DEPDC5: variants seen among roughly 807,000 people sequenced by gnomAD.
The protein encoded by DEPDC5 is DEP domain containing 5, GATOR1 subcomplex subunit.
DEPDC5 carries 73 observed loss-of-function variants against 217.3 expected under a neutral mutation model. The observed-to-expected ratio is 0.34, with a 90% CI of 0.28 to 0.41. The LOEUF is 0.41. Ranked by LOEUF, DEPDC5 falls within the 10% of genes least tolerant of loss-of-function variation. The pLI is 1.00. For synonymous variants in DEPDC5, 733 were observed against 756.7 expected, an observed-to-expected ratio of 0.97 and a Z score of 0.51; for missense variants, 1,675 against 2,070.1, an observed-to-expected ratio of 0.81 and a Z score of 3.70.
At chr22:31,818,132 T>C (rs1013066680) in intron 21 of DEPDC5, among the ~76,000 whole-genome samples, 5 of 152,140 alleles carry the variant, frequency 3.3e-5, no homozygotes, top group Non-Finnish European at 7.4e-5. Flanking sequence ...ATTTCAGTTC[T>C]TTGATCCACT....
chr22:31,826,150 G>A (rs1411934102), intron 24 of DEPDC5, among the ~76,000 whole-genome samples: 1 of 152,042 alleles, frequency 6.6e-6, no homozygotes, highest in African/African-American at 2.4e-5. Flanking sequence ...GGGATTACAG[G>A]TGTGTACTAC....
chr22:31,897,684 C>T, intron 40 of DEPDC5, 31 bp downstream of exon 40: 1 of 1,609,758 alleles, frequency 6.2e-7, no homozygotes, highest in South Asian at 1.1e-5. Context: ...GAGGTTGTCT[C>T]AACCAGTAAG....
At chr22:31,855,662 G>C (rs1346355391) in intron 31 of DEPDC5, among the ~76,000 whole-genome samples, 1 of 152,186 alleles carries the variant, frequency 6.6e-6, no homozygotes, top group Non-Finnish European at 1.5e-5. Flanking sequence ...ACAGGCGTGA[G>C]CCACTGCGCC....
chr22:31,836,924 C>T (rs969729204), intron 25 of DEPDC5, 48 bp from the exon 26 acceptor site: 32 of 1,543,682 alleles, frequency 2.1e-5, no homozygotes, highest in Non-Finnish European at 2.7e-5. Flanking sequence ...CCATCCCACA[C>T]TTGCCATGGT....
intron 18 of DEPDC5, among the ~76,000 whole-genome samples, chr22:31,807,928 T>G (rs904135083): frequency 3.3e-5 from 5 of 152,072 alleles, no homozygotes; most frequent in Non-Finnish European, 5.9e-5. Flanking sequence ...CTGTTAATGT[T>G]ACTCTTCTAA....
intron 39 of DEPDC5, among the ~76,000 whole-genome samples, chr22:31,896,450 G>A (rs1204593831): frequency 6.6e-6 from 1 of 151,648 alleles, no homozygotes; most frequent in African/African-American, 2.4e-5. Flanking sequence ...GTCAAGCTGT[G>A]TCCCAACTCT....
intron 33 of DEPDC5, among the ~76,000 whole-genome samples, chr22:31,863,148 T>C (rs1959052034): frequency 6.6e-6 from 1 of 151,944 alleles, no homozygotes; most frequent in African/African-American, 2.4e-5. Context: ...TGTCTGGCCA[T>C]TAACCTTTTA....
chr22:31,768,812 A>C lies in DEPDC5; in HGVS notation c.364-2A>C. The stretch of plus-strand genomic sequence containing the variant: ...TCTACCCCTCTCTCCCCCTCCTCTT[A>C]GGTCAGCACATGTGCCTATATCACC... On this transcript the variant is annotated splice_acceptor_variant, in intron 6 of 42. Coordinates refer to ENST00000651528, the MANE Select transcript of DEPDC5 (RefSeq NM_001242896.3). LOFTEE classifies it high-confidence loss of function. 1 of 1,609,676 alleles carries C rather than the reference A, an allele frequency of 6.2e-7. No homozygotes were observed. Among genetic ancestry groups the C allele is most frequent in the Non-Finnish European group, 8.5e-7 (1 of 1,178,260 alleles).
intron 21 of DEPDC5, among the ~76,000 whole-genome samples, chr22:31,818,444 TGCA>T (rs1473588821): frequency 6.6e-6 from 1 of 152,178 alleles, no homozygotes; most frequent in East Asian, 1.9e-4. Context: ...GGAAAAAGAA[TGCA>T]GATCATTTGT....
chr22:31,818,640 A>G (rs1392530874), intron 21 of DEPDC5, among the ~76,000 whole-genome samples: 1 of 152,188 alleles, frequency 6.6e-6, no homozygotes, highest in South Asian at 2.1e-4. Context: ...TGGTGACCAC[A>G]TAGCTATTTT....
At chr22:31,783,774 T>G (rs905154370) in intron 8 of DEPDC5, 133 bp from the exon 9 acceptor site, 8 of 633,408 alleles carry the variant, frequency 1.3e-5, no homozygotes, top group South Asian at 4.0e-5. Flanking sequence ...ATCTTAACCA[T>G]TTTTAAGTGT....
At chr22:31,755,580 T>TA (rs2075252344) in intron 2 of DEPDC5, 1 of 151,972 alleles carries the variant, frequency 6.6e-6, no homozygotes, top group Admixed American at 6.6e-5. Context: ...TTCTTTTCTT[T>TA]TTTTTTTTGG....
intron 32 of DEPDC5, 21 bp downstream of exon 32, chr22:31,857,574 AG>A: frequency 1.3e-6 from 2 of 1,585,694 alleles, no homozygotes; most frequent in Non-Finnish European, 1.7e-6. Flanking sequence ...CCGCGGTAGC[AG>A]GGAGCTGTTC....
intron 8 of DEPDC5, among the ~76,000 whole-genome samples, chr22:31,778,798 T>C (rs1278149157): frequency 6.6e-6 from 1 of 152,140 alleles, no homozygotes; most frequent in African/African-American, 2.4e-5. Flanking sequence ...TATGTCTACC[T>C]TTTCTCGTTC....
intron 4 of DEPDC5, among the ~76,000 whole-genome samples, chr22:31,761,500 A>C (rs868051867): frequency 3.1e-4 from 47 of 151,780 alleles, no homozygotes; most frequent in African/African-American, 1.0e-3. Context: ...TTCTTATCAA[A>C]CTATGTTGCC....
chr22:31,838,386 C>T (rs561027211), intron 26 of DEPDC5, among the ~76,000 whole-genome samples: 17 of 152,162 alleles, frequency 1.1e-4, no homozygotes, highest in South Asian at 2.1e-4. Context: ...GGACTACAAG[C>T]GCGTGCCACC....
At chr22:31,806,038 G>C in intron 17 of DEPDC5, 84 bp from the exon 18 acceptor site, 1 of 1,216,364 alleles carries the variant, frequency 8.2e-7, no homozygotes, top group East Asian at 2.3e-5. Flanking sequence ...CAGGAGGGCT[G>C]ATCCATGCCT....
At chr22:31,780,355 G>A (rs2084303315) in intron 8 of DEPDC5, among the ~76,000 whole-genome samples, 1 of 152,118 alleles carries the variant, frequency 6.6e-6, no homozygotes, top group South Asian at 2.1e-4. Context: ...ATGAGATGGG[G>A]AAGACAGGGA....
chr22:31,837,890 A>C (rs1261662389), intron 26 of DEPDC5, among the ~76,000 whole-genome samples: 1 of 151,832 alleles, frequency 6.6e-6, no homozygotes, highest in Admixed American at 6.6e-5. Context: ...TTTAGTAGAG[A>C]TAGGGTTTCA....
Sources: allele counts gnomAD v4.1 joint callset (sites outside exome capture counted in the v4.1 genomes callset), GRCh38; gene constraint gnomAD v4.1.1; transcripts MANE v1.5; gene names NCBI Gene and HGNC (gene_info 2026-07-23, HGNC 2026-07-21).